Variants in SPMIP2 observed in about 807,000 individuals in gnomAD.
SPMIP2 encodes the protein protein SPMIP2.
the SPMIP2 span, among the ~76,000 whole-genome samples, chr4:158,969,989 A>G: frequency 6.6e-6 from 1 of 152,204 alleles, no homozygotes; most frequent in Non-Finnish European, 1.5e-5. Context: ...AAACTGGAGA[A>G]CGAACAGGAA....
the SPMIP2 span, among the ~76,000 whole-genome samples, chr4:158,944,924 G>A: frequency 6.6e-6 from 1 of 152,108 alleles, no homozygotes; most frequent in Non-Finnish European, 1.5e-5. Context: ...CATCCAAAAT[G>A]TAAACCTGCC....
At chr4:158,940,497 C>T in the SPMIP2 span, among the ~76,000 whole-genome samples, 4 of 150,956 alleles carry the variant, frequency 2.6e-5, no homozygotes, top group Non-Finnish European at 4.4e-5. Context: ...GATTTTCAGT[C>T]CCTAGATTCA....
At chr4:158,921,465 A>G in the SPMIP2 span, among the ~76,000 whole-genome samples, 1 of 151,932 alleles carries the variant, frequency 6.6e-6, no homozygotes, top group Non-Finnish European at 1.5e-5. Flanking sequence ...AAAAGGAAAA[A>G]GAAAAAGAAA....
chr4:159,024,985 C>G, the SPMIP2 span, among the ~76,000 whole-genome samples: 2 of 152,184 alleles, frequency 1.3e-5, no homozygotes, highest in African/African-American at 4.8e-5. Flanking sequence ...ATTAAATACC[C>G]TATGAAGTAG....
At chr4:158,980,849 G>T in the SPMIP2 span, among the ~76,000 whole-genome samples, 1 of 152,186 alleles carries the variant, frequency 6.6e-6, no homozygotes, top group Non-Finnish European at 1.5e-5. Flanking sequence ...AAAACTGGAC[G>T]GAGAATGAGT....
the SPMIP2 span, among the ~76,000 whole-genome samples, chr4:158,968,295 C>T: frequency 1.3e-5 from 2 of 152,198 alleles, no homozygotes; most frequent in Non-Finnish European, 1.5e-5. Flanking sequence ...TCCCAAAGTG[C>T]TGGGATTACA....
chr4:159,010,106 G>GTCT, the SPMIP2 span, among the ~76,000 whole-genome samples: 2 of 152,202 alleles, frequency 1.3e-5, no homozygotes, highest in African/African-American at 4.8e-5. Context: ...ATGCCCTGAT[G>GTCT]TATTAGTGGA....
the SPMIP2 span, among the ~76,000 whole-genome samples, chr4:158,917,910 G>C: frequency 6.6e-6 from 1 of 151,614 alleles, no homozygotes; most frequent in Non-Finnish European, 1.5e-5. Flanking sequence ...GTAGAGACAG[G>C]GTTTCACCAT....
chr4:158,973,140 C>T, the SPMIP2 span: 1 of 1,612,180 alleles, frequency 6.2e-7, no homozygotes. Flanking sequence ...TGGTATTCTC[C>T]AACCAATTTC....
At chr4:159,004,774 C>T in the SPMIP2 span, among the ~76,000 whole-genome samples, 1 of 151,988 alleles carries the variant, frequency 6.6e-6, no homozygotes, top group Non-Finnish European at 1.5e-5. Context: ...AAGTGTCAAG[C>T]TGTTTTTTTT....
chr4:158,946,137 T>C, the SPMIP2 span, among the ~76,000 whole-genome samples: 5 of 152,358 alleles, frequency 3.3e-5, no homozygotes, highest in South Asian at 1.0e-3. Flanking sequence ...TCATAATTTA[T>C]GTGAAGAATT....
At chr4:159,006,988 G>C in the SPMIP2 span, 1 of 386,422 alleles carries the variant, frequency 2.6e-6, no homozygotes, top group Non-Finnish European at 5.0e-6. Flanking sequence ...GTTTTCCCTA[G>C]AATGCCAGTG....
chr4:158,895,894 C>T, the SPMIP2 span: 1 of 1,489,658 alleles, frequency 6.7e-7, no homozygotes, highest in South Asian at 1.2e-5. Flanking sequence ...CGTCACTTGT[C>T]CCTTTGATAG....
At chr4:158,920,441 C>A in the SPMIP2 span, among the ~76,000 whole-genome samples, 4 of 152,110 alleles carry the variant, frequency 2.6e-5, no homozygotes, top group African/African-American at 9.7e-5. Flanking sequence ...TTGCTAAATT[C>A]TTTTCCTAGC....
At chr4:158,946,006 A>T in the SPMIP2 span, among the ~76,000 whole-genome samples, 1 of 152,216 alleles carries the variant, frequency 6.6e-6, no homozygotes. Flanking sequence ...CTCCTGAAAC[A>T]TGCTGTAAGA....
the SPMIP2 span, among the ~76,000 whole-genome samples, chr4:158,951,391 T>C: frequency 2.6e-5 from 4 of 152,186 alleles, no homozygotes; most frequent in Non-Finnish European, 5.9e-5. Context: ...GTACTGAATA[T>C]TGTAGACAAT....
the SPMIP2 span, among the ~76,000 whole-genome samples, chr4:159,064,576 T>C: frequency 6.6e-6 from 1 of 152,346 alleles, no homozygotes; most frequent in South Asian, 2.1e-4. Flanking sequence ...ACAAGATTGC[T>C]TGAAAAAGCA....
At chr4:158,952,497 C>A in the SPMIP2 span, among the ~76,000 whole-genome samples, 3 of 152,172 alleles carry the variant, frequency 2.0e-5, no homozygotes, top group South Asian at 4.1e-4. Context: ...CCAATTAAAC[C>A]TCTTTTTCTT....
At chr4:159,006,746 T>C in the SPMIP2 span, among the ~76,000 whole-genome samples, 1 of 152,184 alleles carries the variant, frequency 6.6e-6, no homozygotes, top group African/African-American at 2.4e-5. Context: ...AGAGCAATCA[T>C]AGATTGCCAA....
Sources: allele counts gnomAD v4.1 joint callset (sites outside exome capture counted in the v4.1 genomes callset), GRCh38; gene constraint gnomAD v4.1.1; transcripts MANE v1.5; gene names NCBI Gene and HGNC (gene_info 2026-07-23, HGNC 2026-07-21).